NELL1: variants seen among roughly 807,000 people sequenced by gnomAD.
The protein encoded by NELL1 is protein kinase C-binding protein NELL1.
NELL1 carries 76 observed loss-of-function variants against 107.4 expected under a neutral mutation model. The ratio of observed to expected loss-of-function variants is 0.71; its 90% CI spans 0.59 to 0.86. The LOEUF (loss-of-function observed/expected upper bound fraction) is 0.86, where lower values mean the gene tolerates loss of function less well. NELL1 is among the 40% of genes least tolerant of loss of function. The pLI, the probability that NELL1 is intolerant of heterozygous loss-of-function variation, is 0.00. For synonymous variants in NELL1, 353 were observed against 341.2 expected, an observed-to-expected ratio of 1.03 and a Z score of -0.38; for missense variants, 1,024 against 1,005.5, an observed-to-expected ratio of 1.02 and a Z score of -0.25.
At chr11:20,719,419 AACAC>A (rs10609543) in intron 2 of NELL1, among the ~76,000 whole-genome samples, 125,286 of 151,154 alleles carry the variant, frequency 0.83, 55,219 homozygotes, top group East Asian at 1. Flanking sequence ...TACTATTAAA[AACAC>A]ACACACACAC....
intron 3 of NELL1, among the ~76,000 whole-genome samples, chr11:20,820,347 T>C (rs969789938): frequency 2.0e-5 from 3 of 152,208 alleles, no homozygotes; most frequent in African/African-American, 7.2e-5. Flanking sequence ...TTCTCTAAAA[T>C]GTTATTAAAT....
intron 1 of NELL1, among the ~76,000 whole-genome samples, chr11:20,677,231 G>T (rs1001829630): frequency 2.6e-5 from 4 of 152,178 alleles, no homozygotes; most frequent in Non-Finnish European, 5.9e-5. Flanking sequence ...ACAGGGACAG[G>T]GTCCTTTTCC....
At chr11:21,129,722 A>C (rs1229839781) in intron 13 of NELL1, among the ~76,000 whole-genome samples, 1 of 152,194 alleles carries the variant, frequency 6.6e-6, no homozygotes, top group Non-Finnish European at 1.5e-5. Flanking sequence ...TCATAGAGAC[A>C]AAATGTAAAA....
chr11:21,336,674 T>TATATATACAC (rs55720144), intron 14 of NELL1, among the ~76,000 whole-genome samples: 130 of 130,506 alleles, frequency 1.0e-3, no homozygotes, highest in African/African-American at 3.4e-3. Flanking sequence ...TATATATATA[T>TATATATACAC]ACACACACAC....
intron 17 of NELL1, among the ~76,000 whole-genome samples, chr11:21,568,989 T>C (rs1365660239): frequency 1.3e-5 from 2 of 151,800 alleles, no homozygotes; most frequent in Admixed American, 6.6e-5. Context: ...GTATGTACTA[T>C]AAATGACTGT....
intron 1 of NELL1, among the ~76,000 whole-genome samples, chr11:20,670,888 A>C (rs1333356172): frequency 6.6e-6 from 1 of 152,178 alleles, no homozygotes; most frequent in African/African-American, 2.4e-5. Flanking sequence ...CTCTAGGCCA[A>C]AGAGCAAGTT....
chr11:21,109,050 A>G (rs1855041126), intron 12 of NELL1, among the ~76,000 whole-genome samples: 1 of 152,060 alleles, frequency 6.6e-6, no homozygotes, highest in African/African-American at 2.4e-5. Flanking sequence ...ATCCAGACCC[A>G]GGTTTCTATG....
At position 21,560,285 on chromosome 11, in the gene NELL1, C is replaced by T; in HGVS notation, c.1883C>T (p.Pro628Leu). 6.2e-7 allele frequency: 1 copy of T among 1,613,482 alleles called. No homozygotes were observed. The highest frequency in any genetic ancestry group is 8.5e-7 in the Non-Finnish European group (1 of 1,179,672). ...GGFDCLCPSG[P>L]SCSGDCPHEG... ...TTTGACTGTCTCTGCCCCTCTGGGC[C>T]CTCCTGCTCTGGTGACTGTCCTCAT... The change falls in exon 17 of 20, where the codon CCC (proline) becomes CTC (leucine). Residue 628 changes from proline (P) to leucine (L), a missense_variant. Coordinates refer to ENST00000357134, the MANE Select transcript of NELL1 (RefSeq NM_006157.5).
chr11:21,354,893 G>T (rs10500904), intron 14 of NELL1, among the ~76,000 whole-genome samples: 1 of 152,072 alleles, frequency 6.6e-6, no homozygotes, highest in African/African-American at 2.4e-5. Flanking sequence ...TAATATAAGC[G>T]TTGGCTCTGA....
intron 12 of NELL1, among the ~76,000 whole-genome samples, chr11:20,968,356 AAAGG>A (rs113924334): frequency 0.023 from 3,554 of 151,376 alleles, 137 homozygotes; most frequent in African/African-American, 0.079. Context: ...TTAAAGAAAG[AAAGG>A]AAGGAAGGAA....
At chr11:21,290,165 C>T (rs977218289) in intron 14 of NELL1, among the ~76,000 whole-genome samples, 22 of 151,936 alleles carry the variant, frequency 1.4e-4, no homozygotes, top group Non-Finnish European at 2.5e-4. Flanking sequence ...GTCAGGAGAT[C>T]GAGACCATCC....
At chr11:21,113,782 G>C in intron 13 of NELL1, 68 bp downstream of exon 13, 1 of 1,502,066 alleles carries the variant, frequency 6.7e-7, no homozygotes, top group East Asian at 2.4e-5. Context: ...GTGTTATTAT[G>C]TTTAATTCCT....
chr11:20,831,812 A>G (rs1038589727), intron 3 of NELL1, among the ~76,000 whole-genome samples: 1 of 152,224 alleles, frequency 6.6e-6, no homozygotes, highest in Non-Finnish European at 1.5e-5. Context: ...TGTTTGTGAA[A>G]TTTATAAGAA....
chr11:20,941,377 C>T (rs537171986), intron 10 of NELL1, among the ~76,000 whole-genome samples: 121 of 152,280 alleles, frequency 7.9e-4, no homozygotes, highest in African/African-American at 2.7e-3. Flanking sequence ...GTTGAAAGGT[C>T]AAAATCTGCA....
chr11:21,121,991 G>A (rs185992943), intron 13 of NELL1, among the ~76,000 whole-genome samples: 1 of 152,298 alleles, frequency 6.6e-6, no homozygotes, highest in East Asian at 1.9e-4. Context: ...GACTATCAAA[G>A]CTCATTTACC....
At chr11:21,210,105 A>G (rs1857468309) in intron 13 of NELL1, among the ~76,000 whole-genome samples, 2 of 152,102 alleles carry the variant, frequency 1.3e-5, no homozygotes, top group East Asian at 1.9e-4. Flanking sequence ...AATTGCATGG[A>G]TATGCTGCAT....
chr11:21,556,968 C>T (rs1856729203), intron 16 of NELL1, among the ~76,000 whole-genome samples: 1 of 151,924 alleles, frequency 6.6e-6, no homozygotes, highest in Non-Finnish European at 1.5e-5. Context: ...GGGTAAGTCT[C>T]ACGGGTGAAT....
intron 12 of NELL1, among the ~76,000 whole-genome samples, chr11:21,088,918 G>T (rs1486215122): frequency 3.9e-5 from 6 of 152,190 alleles, no homozygotes; most frequent in East Asian, 1.9e-4. Context: ...TGGGTAGCCT[G>T]CTACGATTTA....
chr11:20,797,502 C>T (rs1857194581), intron 3 of NELL1, among the ~76,000 whole-genome samples: 1 of 133,310 alleles, frequency 7.5e-6, no homozygotes, highest in Non-Finnish European at 1.5e-5. Context: ...GGAGGTGGAG[C>T]TTGCAGTGAG....
Sources: gnomAD v4.1 joint callset for allele counts (sites outside exome capture counted in the v4.1 genomes callset) on GRCh38, gnomAD v4.1.1 for gene constraint, MANE v1.5 for transcripts, NCBI Gene and HGNC (gene_info 2026-07-23, HGNC 2026-07-21) for gene names.